Variants in TMEM167A observed in about 807,000 individuals in gnomAD.
TMEM167A encodes protein kish-A.
Under a neutral mutation model 11.6 loss-of-function variants are expected in TMEM167A, and 8 were observed. That is an observed-to-expected ratio of 0.69 (90% CI 0.40 to 1.24). The LOEUF (loss-of-function observed/expected upper bound fraction) is 1.24, where lower values mean the gene tolerates loss of function less well. TMEM167A is among the 50% of genes most tolerant of loss of function. The pLI, the probability that TMEM167A is intolerant of heterozygous loss-of-function variation, is 0.01. For missense variants in TMEM167A, 62 were observed against 87.0 expected, an observed-to-expected ratio of 0.71 and a Z score of 1.14; for synonymous variants, 22 against 28.0, an observed-to-expected ratio of 0.79 and a Z score of 0.67.
At chr5:83,060,500 TA>T (rs1744392173) in intron 3 of TMEM167A, among the ~76,000 whole-genome samples, 1 of 151,388 alleles carries the variant, frequency 6.6e-6, no homozygotes, top group Non-Finnish European at 1.5e-5. Flanking sequence ...TTTTTTTAAT[TA>T]AAAAGGTTAA....
At chr5:83,070,170 C>T (rs1327252377) in intron 1 of TMEM167A, among the ~76,000 whole-genome samples, 1 of 152,134 alleles carries the variant, frequency 6.6e-6, no homozygotes, top group Non-Finnish European at 1.5e-5. Context: ...TGCTTGCACA[C>T]TGGAAAGTGT....
At chr5:83,066,945 G>A (rs1744492160) in intron 1 of TMEM167A, among the ~76,000 whole-genome samples, 1 of 152,106 alleles carries the variant, frequency 6.6e-6, no homozygotes, top group Non-Finnish European at 1.5e-5. Flanking sequence ...CAGCCATGTT[G>A]TGATGCAACA....
chr5:83,067,666 G>C (rs11746747), intron 1 of TMEM167A, among the ~76,000 whole-genome samples: 47,839 of 151,178 alleles, frequency 0.32, 8,836 homozygotes, highest in Non-Finnish European at 0.42. Context: ...CACTACGCCT[G>C]GCTAAATTTT....
intron 1 of TMEM167A, among the ~76,000 whole-genome samples, chr5:83,076,612 A>C (rs1053347197): frequency 6.6e-6 from 1 of 152,236 alleles, no homozygotes; most frequent in African/African-American, 2.4e-5. Context: ...ATGGAGACTC[A>C]AGCTTTTTGG....
chr5:83,071,595 T>C (rs886877405), intron 1 of TMEM167A, among the ~76,000 whole-genome samples: 3 of 152,154 alleles, frequency 2.0e-5, no homozygotes, highest in Admixed American at 2.0e-4. Context: ...ATATATATAA[T>C]TTGCCCAAAA....
rs986685352 is a variant in TMEM167A at position 83,055,344 on chromosome 5, G to A, written c.*1740C>T. On this transcript the variant is annotated 3_prime_UTR_variant, in exon 4 of 4. Coordinates refer to ENST00000502346, the MANE Select transcript of TMEM167A (RefSeq NM_174909.5). ...CTTTCGGAAAGTCCAGTTGGCAGCA[G>A]AGCTGGACAACAGATGGCCACCCAG... 1.3e-5 allele frequency: 2 copies of A among 151,980 alleles called. No individual in the cohort carries two copies. Among genetic ancestry groups the A allele is most frequent in the African/African-American group, 2.4e-5 (1 of 41,398 alleles). 9.4% of individuals were successfully genotyped at this position (151,980 alleles called of 1,614,324 possible).
intron 2 of TMEM167A, among the ~76,000 whole-genome samples, chr5:83,063,187 G>A (rs1744431145): frequency 6.6e-6 from 1 of 151,960 alleles, no homozygotes. Context: ...TAAAATAAAG[G>A]CCAAATTATG....
chr5:83,067,676 T>C (rs1744502610), intron 1 of TMEM167A, among the ~76,000 whole-genome samples: 1 of 150,374 alleles, frequency 6.7e-6, no homozygotes, highest in African/African-American at 2.5e-5. Flanking sequence ...GGCTAAATTT[T>C]GTATTTTTTT....
At chr5:83,065,832 C>T (rs112089124) in intron 1 of TMEM167A, among the ~76,000 whole-genome samples, 397 of 152,234 alleles carry the variant, frequency 2.6e-3, no homozygotes, top group African/African-American at 8.8e-3. Context: ...CCATAAGTTT[C>T]ATAAGTTTCC....
chr5:83,075,606 G>A (rs1406458931), intron 1 of TMEM167A, among the ~76,000 whole-genome samples: 3 of 151,930 alleles, frequency 2.0e-5, no homozygotes, highest in Admixed American at 6.6e-5. Context: ...TTAGCCAGGC[G>A]TGGTTGTGCA....
rs1331935689 is a variant in TMEM167A, at chr5:83,077,354, C to T, written c.-31G>A. Reference sequence around the variant, plus strand: ...GGCCGGCGATGCCGCAGCCACATCACCCTTCCGGGGCTCAGGCGGAAGAGG... The same window carrying T: ...GGCCGGCGATGCCGCAGCCACATCATCCTTCCGGGGCTCAGGCGGAAGAGG... On this transcript the variant is annotated 5_prime_UTR_variant, in exon 1 of 4. In the 5' UTR this introduces an upstream ATG that the reference lacks. Coordinates refer to ENST00000502346, the MANE Select transcript of TMEM167A (RefSeq NM_174909.5). 5 of 1,614,078 alleles carry T rather than the reference C, an allele frequency of 3.1e-6. No individual in the cohort carries two copies. Among genetic ancestry groups the T allele is most frequent in the African/African-American group, 2.7e-5 (2 of 74,950 alleles).
intron 2 of TMEM167A, among the ~76,000 whole-genome samples, chr5:83,064,614 C>T (rs557807829): frequency 3.3e-5 from 5 of 152,116 alleles, no homozygotes; most frequent in Admixed American, 6.5e-5. Flanking sequence ...CAACAAATAA[C>T]GTAATTTCAA....
intron 3 of TMEM167A, among the ~76,000 whole-genome samples, chr5:83,061,139 CAGTT>C (rs1318350562): frequency 6.6e-6 from 1 of 152,066 alleles, no homozygotes; most frequent in Non-Finnish European, 1.5e-5. Context: ...ATAGACAAAA[CAGTT>C]AAACATTCTG....
In TMEM167A at chr5:83,053,279, T is replaced by A. The variant is rs1280133626; in HGVS notation, c.*3805A>T. On this transcript the variant is annotated 3_prime_UTR_variant, in exon 4 of 4. Transcript: ENST00000502346. ...AGCGTAAGTCCTTGCTTTTTGAGAA[T>A]TTTTTTTTGTGCACCCAGGAAATGT... 2.6e-5 allele frequency: 4 copies of A among 151,484 alleles called. No homozygotes were observed. Among genetic ancestry groups the A allele is most frequent in the African/African-American group, 9.7e-5 (4 of 41,234 alleles). The allele number at this position is 151,484 out of a possible 1,614,324, so 9.4% of individuals were successfully genotyped here. A position where few individuals can be genotyped will look rare whatever the true frequency, so the allele number is the denominator to read the frequency against.
At chr5:83,074,858 C>A (rs545677905) in intron 1 of TMEM167A, among the ~76,000 whole-genome samples, 1 of 152,118 alleles carries the variant, frequency 6.6e-6, no homozygotes, top group Admixed American at 6.5e-5. Context: ...GCAACCTCCA[C>A]CTCCTGGGTT....
chr5:83,053,189 TAAGA>T lies in TMEM167A; in HGVS notation c.*3891_*3894del, dbSNP rs1290773429. On this transcript the variant is annotated 3_prime_UTR_variant, in exon 4 of 4. Coordinates refer to ENST00000502346, the MANE Select transcript of TMEM167A (RefSeq NM_174909.5). ...TGGATACCAAAGAAAGTGAGTTATT[TAAGA>T]ATCTTCCATTCTTGTTATAAGCTTC... 2.6e-5 allele frequency: 4 copies of T among 152,130 alleles called. No individual in the cohort carries two copies. Among genetic ancestry groups the T allele is most frequent in the African/African-American group, 7.2e-5 (3 of 41,556 alleles). 9.4% of individuals were successfully genotyped at this position (152,130 alleles called of 1,614,324 possible).
At chr5:83,064,251 C>T (rs1207992974) in intron 2 of TMEM167A, 1 of 518,514 alleles carries the variant, frequency 1.9e-6, no homozygotes, top group African/African-American at 1.9e-5. Context: ...AGAAGGTTGG[C>T]AGCCCTGAGA....
chr5:83,067,489 A>G (rs6872008), intron 1 of TMEM167A, among the ~76,000 whole-genome samples: 385 of 152,232 alleles, frequency 2.5e-3, no homozygotes, highest in African/African-American at 8.5e-3. Context: ...AAATGCTGTG[A>G]TTATCTGTGG....
At chr5:83,064,559 A>G (rs1208920775) in intron 2 of TMEM167A, among the ~76,000 whole-genome samples, 1 of 152,144 alleles carries the variant, frequency 6.6e-6, no homozygotes, top group Non-Finnish European at 1.5e-5. Flanking sequence ...GGAAAGATAC[A>G]ATGAAACTGT....
Sources: gnomAD v4.1 joint callset for allele counts (sites outside exome capture counted in the v4.1 genomes callset) on GRCh38, gnomAD v4.1.1 for gene constraint, MANE v1.5 for transcripts, NCBI Gene and HGNC (gene_info 2026-07-23, HGNC 2026-07-21) for gene names.